TMEM61: variants seen among roughly 807,000 people sequenced by gnomAD.
TMEM61 encodes the protein transmembrane protein 61.
In TMEM61, 13 loss-of-function variants were observed where a neutral mutation model predicts 12.0. The ratio of observed to expected loss-of-function variants is 1.08; its 90% CI spans 0.70 to 1.72. The LOEUF (loss-of-function observed/expected upper bound fraction) is 1.72, where lower values mean the gene tolerates loss of function less well. Ranked by LOEUF, TMEM61 falls within the 40% of genes most tolerant of loss-of-function variation. The pLI, the probability that TMEM61 is intolerant of heterozygous loss-of-function variation, is 0.00. For synonymous variants in TMEM61, 109 were observed against 121.4 expected (o/e 0.90, Z 0.67); for missense variants, 249 against 276.9 (o/e 0.90, Z 0.71).
chr1:54,982,471 C>G (rs1466385090), intron 1 of TMEM61, among the ~76,000 whole-genome samples: 1 of 152,186 alleles, frequency 6.6e-6, no homozygotes, highest in African/African-American at 2.4e-5. Context: ...TGGACATTGA[C>G]CTTCTCCACC....
Position 54,992,004 on chromosome 1 carries a change from G to C in TMEM61, c.534G>C (p.Glu178Asp). 1.9e-6 allele frequency: 3 copies of C among 1,614,168 alleles called. No homozygotes were observed. The Admixed American group carries it at 5.0e-5, about 27-fold the overall frequency. Residue 178 changes from glutamate (E) to aspartate (D), a missense_variant, in exon 3 of 3, where the codon GAG (glutamate) becomes GAC (aspartate). Glu to Asp is a conservative substitution (Grantham distance 45, BLOSUM62 2). Coordinates refer to ENST00000371268, the MANE Select transcript of TMEM61 (RefSeq NM_182532.3). ...TQPAWPPPSY[E>D]SISLALDAVS... ...CCGCCTGGCCTCCACCCAGCTATGA[G>C]AGCATCAGCCTTGCTCTTGATGCCG...
intron 2 of TMEM61, 24 bp downstream of exon 2, chr1:54,986,470 C>G (rs542829571): frequency 4.6e-6 from 7 of 1,517,452 alleles, no homozygotes; most frequent in Non-Finnish European, 6.2e-6. Flanking sequence ...GGTGTGGCAG[C>G]GGGTGGGGAC....
intron 2 of TMEM61, among the ~76,000 whole-genome samples, 154 bp from the exon 3 acceptor site, chr1:54,991,682 C>T (rs551611939): frequency 6.6e-6 from 1 of 152,312 alleles, no homozygotes; most frequent in Non-Finnish European, 1.5e-5. Flanking sequence ...TGGCTCATGC[C>T]AAGTTTCAAC....
At position 54,986,464 on chromosome 1, in the gene TMEM61, TGGCAGCGGGTGG is replaced by T; in HGVS notation, c.365+21_365+32del. 6.5e-7 allele frequency: 1 copy of T among 1,529,036 alleles called. No individual in the cohort carries two copies. Among genetic ancestry groups the T allele is most frequent in the Non-Finnish European group, 8.8e-7 (1 of 1,132,538 alleles). 94.7% of individuals were successfully genotyped at this position (1,529,036 alleles called of 1,614,324 possible). A position where few individuals can be genotyped will look rare whatever the true frequency, so the allele number is the denominator to read the frequency against. On this transcript the variant is annotated intron_variant, in intron 2 of 2. Coordinates refer to ENST00000371268, the MANE Select transcript of TMEM61 (RefSeq NM_182532.3). ...AGCTGCAGGTCAGCAGGGCGGGGTG[TGGCAGCGGGTGG>T]GGACTGCAGGTAGGGGCCCAGTCAC...
At chr1:54,990,401 G>A (rs996263424) in intron 2 of TMEM61, among the ~76,000 whole-genome samples, 3 of 152,114 alleles carry the variant, frequency 2.0e-5, no homozygotes, top group Non-Finnish European at 2.9e-5. Flanking sequence ...GCAGTGGGCC[G>A]AGAAGACACA....
At chr1:54,981,476 G>T (rs12093223) in intron 1 of TMEM61, among the ~76,000 whole-genome samples, 1 of 151,980 alleles carries the variant, frequency 6.6e-6, no homozygotes, top group Non-Finnish European at 1.5e-5. Flanking sequence ...AAATTAGCCG[G>T]GCATGGTGGC....
intron 2 of TMEM61, among the ~76,000 whole-genome samples, chr1:54,991,089 C>A (rs755827840): frequency 2.0e-5 from 3 of 152,208 alleles, no homozygotes; most frequent in Non-Finnish European, 4.4e-5. Context: ...AGATGACCCG[C>A]CAGGGCTCTG....
At position 54,980,888 on chromosome 1, in the gene TMEM61, G is replaced by T. The variant is rs1365121035; in HGVS notation, c.-178G>T. The T allele has an allele frequency of 3.5e-6, 2 of 578,196 alleles. No individual in the cohort carries two copies. Among genetic ancestry groups the T allele is most frequent in the Non-Finnish European group, 5.5e-6 (2 of 364,036 alleles). The allele number at this position is 578,196 out of a possible 1,614,324, so 35.8% of individuals were successfully genotyped here. A position where few individuals can be genotyped will look rare whatever the true frequency, so the allele number is the denominator to read the frequency against. On this transcript the variant is annotated 5_prime_UTR_variant, in exon 1 of 3. Coordinates refer to ENST00000371268, the MANE Select transcript of TMEM61 (RefSeq NM_182532.3). ...CAGGAGCCAGACCTCGGTTTTGCGGGCTGGGGAGCAGGGCTCGGGGGCAGC... is the reference window on the plus strand; with the variant it reads ...CAGGAGCCAGACCTCGGTTTTGCGGTCTGGGGAGCAGGGCTCGGGGGCAGC...
At chr1:54,987,983 A>G (rs1644271604) in intron 2 of TMEM61, among the ~76,000 whole-genome samples, 1 of 152,214 alleles carries the variant, frequency 6.6e-6, no homozygotes, top group South Asian at 2.1e-4. Flanking sequence ...CTTTCTGTCT[A>G]TGGGTTCTGC....
In TMEM61 at chr1:54,981,008, A is replaced by C. The variant is rs1380550263; in HGVS notation, c.-58A>C. ...CAGCCCTGGCGTCCTCCACCACCACACCTTCACCTGCGCCCGGCTCCCTGC... is the reference window on the plus strand; with the variant it reads ...CAGCCCTGGCGTCCTCCACCACCACCCCTTCACCTGCGCCCGGCTCCCTGC... On this transcript the variant is annotated 5_prime_UTR_variant, in exon 1 of 3. Transcript: ENST00000371268. 2 of 1,523,940 alleles carry C rather than the reference A, an allele frequency of 1.3e-6. No individual in the cohort carries two copies. Among genetic ancestry groups the C allele is most frequent in the South Asian group, 1.2e-5 (1 of 80,674 alleles). The allele number at this position is 1,523,940 out of a possible 1,614,324, so 94.4% of individuals were successfully genotyped here. A position where few individuals can be genotyped will look rare whatever the true frequency, so the allele number is the denominator to read the frequency against.
rs1366059988 is a variant in TMEM61 at position 54,980,744 on chromosome 1, C to T, written c.-322C>T. On this transcript the variant is annotated 5_prime_UTR_variant, in exon 1 of 3. Coordinates refer to ENST00000371268, the MANE Select transcript of TMEM61 (RefSeq NM_182532.3). ...TCCCCTGGGCGCCCCACGGCAGCCTCAGAGCCCCGCGGGGAGCGCGCAGCC... is the reference window on the plus strand; with the variant it reads ...TCCCCTGGGCGCCCCACGGCAGCCTTAGAGCCCCGCGGGGAGCGCGCAGCC... 3.1e-5 allele frequency: 9 copies of T among 295,030 alleles called. No individual in the cohort carries two copies. In the South Asian group the frequency reaches 1.3e-3, roughly 43 times the overall value. The allele number at this position is 295,030 out of a possible 1,614,324, so 18.3% of individuals were successfully genotyped here. A position where few individuals can be genotyped will look rare whatever the true frequency, so the allele number is the denominator to read the frequency against.
intron 2 of TMEM61, among the ~76,000 whole-genome samples, chr1:54,990,765 C>A (rs1316284681): frequency 1.3e-5 from 2 of 152,162 alleles, no homozygotes; most frequent in African/African-American, 4.8e-5. Flanking sequence ...GTCCCGGGCG[C>A]TGAGTGCTGC....
chr1:54,992,162 A>C lies in TMEM61; in HGVS notation c.*59A>C. On this transcript the variant is annotated 3_prime_UTR_variant, in exon 3 of 3. Transcript: ENST00000371268. ...AATGCCGTGCCTTCTCCAGAGTCTT[A>C]TGCAGTGCCTGGGACACAGTAGGCA... The C allele has an allele frequency of 6.4e-7, 1 of 1,569,040 alleles. No individual in the cohort carries two copies. Among genetic ancestry groups the C allele is most frequent in the Non-Finnish European group, 8.6e-7 (1 of 1,160,830 alleles).
At position 54,991,821 on chromosome 1, in the gene TMEM61, C is replaced by G; in HGVS notation, c.366-15C>G. On this transcript the variant is annotated splice_polypyrimidine_tract_variant and intron_variant, in intron 2 of 2. Coordinates refer to ENST00000371268, the MANE Select transcript of TMEM61 (RefSeq NM_182532.3). ...GCCCCAGCCCCTGCTAACAGCCTCT[C>G]TTCTGTTCCTGCAGGACCCCCAAAG... 1 of 1,612,580 alleles carries G rather than the reference C, an allele frequency of 6.2e-7. No homozygotes were observed. The highest frequency in any genetic ancestry group is 2.2e-5 in the East Asian group (1 of 44,868).
At chr1:54,989,944 T>C (rs890577) in intron 2 of TMEM61, among the ~76,000 whole-genome samples, 5,552 of 152,162 alleles carry the variant, frequency 0.036, 296 homozygotes, top group African/African-American at 0.12. Context: ...AACATTTGTT[T>C]TTCTTTTTTT....
chr1:54,982,160 G>T (rs1241750936), intron 1 of TMEM61, among the ~76,000 whole-genome samples: 1 of 152,158 alleles, frequency 6.6e-6, no homozygotes, highest in Admixed American at 6.5e-5. Context: ...TGGTCACAGA[G>T]CTAACAGGGA....
chr1:54,986,552 C>A, intron 2 of TMEM61, 106 bp downstream of exon 2: 1 of 1,038,508 alleles, frequency 9.6e-7, no homozygotes, highest in South Asian at 1.6e-5. Flanking sequence ...CATGGGGTTC[C>A]TCCTTTGGAT....
chr1:54,984,595 T>G (rs932080712), intron 1 of TMEM61, among the ~76,000 whole-genome samples: 8 of 152,288 alleles, frequency 5.3e-5, no homozygotes, highest in Non-Finnish European at 4.4e-5. Flanking sequence ...TTCAGAGGAT[T>G]TATTGAGCAG....
intron 2 of TMEM61, among the ~76,000 whole-genome samples, chr1:54,990,491 G>A (rs1306472994): frequency 2.6e-5 from 4 of 152,158 alleles, no homozygotes; most frequent in South Asian, 4.1e-4. Flanking sequence ...TACCAGCATG[G>A]GCCCCTCCGT....
Sources: allele counts gnomAD v4.1 joint callset (sites outside exome capture counted in the v4.1 genomes callset), GRCh38; gene constraint gnomAD v4.1.1; transcripts MANE v1.5; gene names NCBI Gene and HGNC (gene_info 2026-07-23, HGNC 2026-07-21).